STPG2: variants seen among roughly 807,000 people sequenced by gnomAD.
The protein encoded by STPG2 is sperm-tail PG-rich repeat-containing protein 2.
Under a neutral mutation model 54.2 loss-of-function variants are expected in STPG2, and 56 were observed. The ratio of observed to expected loss-of-function variants is 1.03; its 90% CI spans 0.83 to 1.29. The LOEUF is 1.29. STPG2 is among the 50% of genes most tolerant of loss of function. STPG2 has a pLI of 0.00. For synonymous variants in STPG2, 200 were observed against 181.8 expected (o/e 1.10, Z -0.81); for missense variants, 596 against 544.9 (o/e 1.09, Z -0.93).
At chr4:97,668,249 T>TA (rs1722586266) in intron 10 of STPG2, among the ~76,000 whole-genome samples, 1 of 152,122 alleles carries the variant, frequency 6.6e-6, no homozygotes, top group African/African-American at 2.4e-5. Flanking sequence ...CAGAGACAGA[T>TA]ACCATATTCT....
At chr4:97,909,005 T>TA (rs1390322917) in intron 8 of STPG2, among the ~76,000 whole-genome samples, 4 of 120,160 alleles carry the variant, frequency 3.3e-5, no homozygotes, top group African/African-American at 9.9e-5. Context: ...CCCTAAAACT[T>TA]AAAGTATAAT....
intron 9 of STPG2, among the ~76,000 whole-genome samples, chr4:97,820,088 A>T (rs1413364227): frequency 1.3e-5 from 2 of 152,066 alleles, no homozygotes; most frequent in African/African-American, 4.8e-5. Context: ...ACATTTTGGT[A>T]ATTTTCTCAA....
At chr4:98,113,189 G>A (rs1739413334) in intron 3 of STPG2, among the ~76,000 whole-genome samples, 1 of 151,980 alleles carries the variant, frequency 6.6e-6, no homozygotes, top group Admixed American at 6.6e-5. Flanking sequence ...GAGAACATTG[G>A]TGGAAATGCC....
At chr4:98,053,033 G>A (rs767064869) in intron 5 of STPG2, among the ~76,000 whole-genome samples, 22 of 152,176 alleles carry the variant, frequency 1.4e-4, no homozygotes, top group Non-Finnish European at 2.6e-4. Flanking sequence ...AATATAAAAG[G>A]ACTGATGAAA....
In STPG2 at chr4:97,619,524, G is replaced by GTT. The variant is rs5860507; in HGVS notation, c.1321-60409_1321-60408dup. Among the ~76,000 whole-genome samples the GTT allele has an allele frequency of 5.0e-3, 717 of 142,338 alleles. 12 individuals are homozygous for GTT. The highest frequency in any genetic ancestry group is 0.016 in the East Asian group (75 of 4,834). The allele number at this position is 142,338 out of a possible 152,430, so 93.4% of individuals were successfully genotyped here. ...GATAATATTTTGACATGATTCCAGT[G>GTT]TTTTTTTTTTTTTTCTCACCTCTGG... On this transcript the variant is annotated intron_variant, in intron 10 of 10. Coordinates refer to ENST00000295268, the MANE Select transcript of STPG2 (RefSeq NM_174952.3).
chr4:97,623,335 A>G (rs1487863111), intron 10 of STPG2, among the ~76,000 whole-genome samples: 1 of 152,156 alleles, frequency 6.6e-6, no homozygotes, highest in Non-Finnish European at 1.5e-5. Context: ...AACAACCTAC[A>G]GAATGGAAGA....
intron 8 of STPG2, among the ~76,000 whole-genome samples, chr4:97,905,550 A>G (rs1032673531): frequency 1.3e-5 from 2 of 152,156 alleles, no homozygotes; most frequent in Non-Finnish European, 2.9e-5. Flanking sequence ...TGCATCAACT[A>G]ACGAGCAAAA....
intron 8 of STPG2, among the ~76,000 whole-genome samples, chr4:97,904,850 G>A (rs557332543): frequency 8.5e-5 from 13 of 152,232 alleles, no homozygotes; most frequent in African/African-American, 3.1e-4. Flanking sequence ...TGGAAGAAAG[G>A]GTATCAGCGA....
chr4:97,850,179 T>G (rs1471665373), intron 8 of STPG2, among the ~76,000 whole-genome samples: 1 of 140,936 alleles, frequency 7.1e-6, no homozygotes, highest in African/African-American at 2.7e-5. Context: ...GAACAAAAAA[T>G]CAAACACCGC....
intron 7 of STPG2, among the ~76,000 whole-genome samples, chr4:97,956,332 GATTA>G (rs1231351924): frequency 1.3e-5 from 2 of 151,960 alleles, no homozygotes; most frequent in Non-Finnish European, 2.9e-5. Flanking sequence ...TAAAATATTT[GATTA>G]ATATTTTATT....
chr4:97,862,031 C>A (rs1288615407), intron 8 of STPG2, among the ~76,000 whole-genome samples: 1 of 151,972 alleles, frequency 6.6e-6, no homozygotes, highest in Non-Finnish European at 1.5e-5. Context: ...GCAAAATAAC[C>A]AGCTAACATC....
At chr4:97,963,822 C>G (rs982042383) in intron 7 of STPG2, among the ~76,000 whole-genome samples, 4 of 151,722 alleles carry the variant, frequency 2.6e-5, no homozygotes, top group African/African-American at 7.3e-5. Flanking sequence ...GATAGAAACT[C>G]AAACTGAAAG....
chr4:98,022,617 C>A (rs1216662676), intron 5 of STPG2, among the ~76,000 whole-genome samples: 1 of 152,026 alleles, frequency 6.6e-6, no homozygotes, highest in African/African-American at 2.4e-5. Flanking sequence ...GAGTGTTTTC[C>A]AACTTGGTTC....
At chr4:98,130,322 T>C (rs1045930342) in intron 2 of STPG2, among the ~76,000 whole-genome samples, 9 of 152,032 alleles carry the variant, frequency 5.9e-5, no homozygotes, top group Non-Finnish European at 8.8e-5. Flanking sequence ...ATTACAGGCA[T>C]GTGCCACCAT....
chr4:97,549,863 G>T (rs2148866878), intron 4 of STPG2, among the ~76,000 whole-genome samples: 1 of 152,216 alleles, frequency 6.6e-6, no homozygotes, highest in South Asian at 2.1e-4. Context: ...CTCCAGAACT[G>T]TTAAAGAAAA....
At chr4:97,842,085 T>A (rs1030736460) in intron 8 of STPG2, among the ~76,000 whole-genome samples, 1 of 151,768 alleles carries the variant, frequency 6.6e-6, no homozygotes, top group Non-Finnish European at 1.5e-5. Context: ...GAAAACACAT[T>A]TTTTCTTGTT....
intron 8 of STPG2, among the ~76,000 whole-genome samples, chr4:97,889,479 A>C (rs528247086): frequency 6.6e-6 from 1 of 152,346 alleles, no homozygotes; most frequent in Non-Finnish European, 1.5e-5. Flanking sequence ...ATGGAAAACT[A>C]TTCAGCCATA....
chr4:97,626,346 C>T (rs1453194026), intron 10 of STPG2, among the ~76,000 whole-genome samples: 2 of 152,084 alleles, frequency 1.3e-5, no homozygotes, highest in Non-Finnish European at 2.9e-5. Context: ...TATTCTTCTT[C>T]TCTATTGGTA....
chr4:97,731,234 CAA>C lies in STPG2; in HGVS notation c.1205-18422_1205-18421del, dbSNP rs1359920080. 3.9e-5 allele frequency among the ~76,000 whole-genome samples: 6 copies of C among 152,074 alleles called. No individual in the cohort carries two copies. The East Asian group carries it at 9.6e-4, about 24-fold the overall frequency. On this transcript the variant is annotated intron_variant, in intron 9 of 10. Coordinates refer to ENST00000295268, the MANE Select transcript of STPG2 (RefSeq NM_174952.3). Reference sequence around the variant, plus strand: ...GACTGTGGTGTACGCTGAGTATAGTCAATTGGCTTTGTTTCTGGGTGCTTCAG... The same window carrying C: ...GACTGTGGTGTACGCTGAGTATAGTCTTGGCTTTGTTTCTGGGTGCTTCAG...
Sources: allele counts gnomAD v4.1 joint callset (sites outside exome capture counted in the v4.1 genomes callset), GRCh38; gene constraint gnomAD v4.1.1; transcripts MANE v1.5; gene names NCBI Gene and HGNC (gene_info 2026-07-23, HGNC 2026-07-21).